CUX2: variants seen among roughly 807,000 people sequenced by gnomAD.
The protein encoded by CUX2 is cut like homeobox 2, also known as homeobox protein cut-like 2.
A neutral mutation model predicts 144.8 loss-of-function variants in CUX2; 40 were observed. The observed-to-expected ratio is 0.28, with a 90% confidence interval of 0.21 to 0.36. CUX2 has a LOEUF of 0.36. Among genes scored for constraint, CUX2 ranks in the 10% least tolerant of loss-of-function variants. The pLI, the probability that CUX2 is intolerant of heterozygous loss-of-function variation, is 1.00. For missense variants in CUX2, 1,615 were observed against 1,994.0 expected (o/e 0.81, Z 3.62); for synonymous variants, 827 against 875.6 (o/e 0.94, Z 0.98).
Position 111,293,358 on chromosome 12 carries a change from C to T in CUX2, c.437-88C>T. On this transcript the variant is annotated intron_variant, in intron 5 of 21. Transcript: ENST00000261726. The surrounding 1 kb of genome is among the most constrained non-coding windows in gnomAD (Gnocchi z 4.5). The stretch of plus-strand genomic sequence containing the variant: ...CCAAGTTTGGGAAATTGATCACAAT[C>T]AATGATCGATCCGGTTTACAGAAAG... 6.7e-7 allele frequency: 1 copy of T among 1,486,016 alleles called. No individual in the cohort carries two copies. The highest frequency in any genetic ancestry group is 9.0e-7 in the Non-Finnish European group (1 of 1,114,618). The allele number at this position is 1,486,016 out of a possible 1,614,324, so 92.1% of individuals were successfully genotyped here. A position where few individuals can be genotyped will look rare whatever the true frequency, so the allele number is the denominator to read the frequency against.
chr12:111,283,647 G>C (rs1236156716), intron 4 of CUX2, among the ~76,000 whole-genome samples: 1 of 152,148 alleles, frequency 6.6e-6, no homozygotes, highest in African/African-American at 2.4e-5. Flanking sequence ...TGATGTTACA[G>C]CCAGGGTTTG....
chr12:111,320,797 G>A lies in CUX2; in HGVS notation c.2766+22G>A, dbSNP rs1003429366. 1.1e-5 allele frequency: 17 copies of A among 1,483,120 alleles called. No homozygotes were observed. Among genetic ancestry groups the A allele is most frequent in the African/African-American group, 1.4e-5 (1 of 69,522 alleles). 91.9% of individuals were successfully genotyped at this position (1,483,120 alleles called of 1,614,324 possible). On this transcript the variant is annotated intron_variant, in intron 17 of 21. Transcript: ENST00000261726. This position sits in a 1 kb window ranked among gnomAD's most constrained non-coding sequence, Gnocchi z 8.1. ...GAAGGTGAGTGCAGGGCGGGCCCCC[G>A]GTGTCTGGGCTCTGGGAGAAGATGT... is the stretch of plus-strand genomic sequence containing the variant.
intron 1 of CUX2, among the ~76,000 whole-genome samples, chr12:111,148,717 T>C (rs905933779): frequency 6.6e-6 from 1 of 152,118 alleles, no homozygotes; most frequent in African/African-American, 2.4e-5. Flanking sequence ...GGTAAGGGGC[T>C]GGGCCCGGTG....
intron 1 of CUX2, among the ~76,000 whole-genome samples, chr12:111,070,393 TTTCCTTCCTTCCTTCC>T (rs143464416): frequency 0.56 from 55,701 of 99,152 alleles, 17,350 homozygotes; most frequent in East Asian, 0.72. Flanking sequence ...TCCTTCCTTC[TTTCCTTCCTTCCTTCC>T]TTCCTTCCTT....
chr12:111,306,163 C>A (rs1886570197), intron 10 of CUX2, among the ~76,000 whole-genome samples: 1 of 152,114 alleles, frequency 6.6e-6, no homozygotes, highest in African/African-American at 2.4e-5. Flanking sequence ...TGCTAATCAG[C>A]CCCAGGGAAC....
At position 111,311,597 on chromosome 12, in the gene CUX2, A is replaced by ATTTT. The variant is rs1227311025; in HGVS notation, c.1901-501_1901-500insTTTT. Among the ~76,000 whole-genome samples, 45 of 136,454 alleles carry ATTTT rather than the reference A, an allele frequency of 3.3e-4. No homozygotes were observed. In the East Asian group the frequency reaches 3.6e-3, roughly 11 times the overall value. The allele number at this position is 136,454 out of a possible 152,430, so 89.5% of individuals were successfully genotyped here. ...AGCCACTGTACCCTATTTCTTTATT[A>ATTTT]TTATTATTTTTTTTTTTTTGAGACG... is the stretch of plus-strand genomic sequence containing the variant. On this transcript the variant is annotated intron_variant, in intron 15 of 21. Coordinates refer to ENST00000261726, the MANE Select transcript of CUX2 (RefSeq NM_015267.4).
intron 1 of CUX2, among the ~76,000 whole-genome samples, chr12:111,121,369 C>CTTTTTTTTTT (rs5800920): frequency 3.4e-4 from 20 of 59,030 alleles, no homozygotes; most frequent in East Asian, 1.4e-3. Context: ...TTTCTTTTTT[C>CTTTTTTTTTT]TTTTTTTTTT....
chr12:111,216,771 A>G (rs7298386), intron 2 of CUX2, among the ~76,000 whole-genome samples: 20,230 of 146,254 alleles, frequency 0.14, 1,636 homozygotes, highest in African/African-American at 0.24. Context: ...GAAGGTCCCC[A>G]ACATACATCA....
At chr12:111,218,409 C>T (rs1157437430) in intron 3 of CUX2, among the ~76,000 whole-genome samples, 9 of 151,992 alleles carry the variant, frequency 5.9e-5, no homozygotes, top group African/African-American at 9.7e-5. Context: ...CCAGCTACTC[C>T]GGAGGCTAAG....
At chr12:111,058,678 C>T (rs952082348) in intron 1 of CUX2, among the ~76,000 whole-genome samples, 1 of 152,106 alleles carries the variant, frequency 6.6e-6, no homozygotes, top group Admixed American at 6.5e-5. Flanking sequence ...TTAGTGCACC[C>T]TTGCAGATAG....
intron 4 of CUX2, among the ~76,000 whole-genome samples, chr12:111,271,967 G>C (rs965751613): frequency 1.3e-5 from 2 of 152,212 alleles, no homozygotes; most frequent in African/African-American, 4.8e-5. Context: ...GTATGTAGCA[G>C]GTATTCAAAA....
chr12:111,308,401 C>A, intron 13 of CUX2, 26 bp from the exon 14 acceptor site: 1 of 1,614,004 alleles, frequency 6.2e-7, no homozygotes, highest in Non-Finnish European at 8.5e-7. Flanking sequence ...ACCAGGTGCC[C>A]TCTCAACCTG....
intron 1 of CUX2, among the ~76,000 whole-genome samples, chr12:111,182,285 T>C (rs1253981439): frequency 9.9e-5 from 15 of 152,174 alleles, no homozygotes; most frequent in African/African-American, 3.6e-4. Context: ...TTGAAATAAT[T>C]AATTCCTCTA....
intron 1 of CUX2, among the ~76,000 whole-genome samples, chr12:111,140,061 G>T (rs1384468434): frequency 6.6e-6 from 1 of 152,172 alleles, no homozygotes; most frequent in Non-Finnish European, 1.5e-5. Context: ...GTCAGTATTT[G>T]GCATTTCCAG....
chr12:111,069,520 C>CTGTG lies in CUX2; in HGVS notation c.63+35309_63+35312dup, dbSNP rs150243402. Among the ~76,000 whole-genome samples the CTGTG allele has an allele frequency of 8.9e-3, 1,242 of 139,786 alleles. 9 individuals carry two copies. Among genetic ancestry groups the CTGTG allele is most frequent in the Middle Eastern group, 0.028 (8 of 288 alleles). The allele number at this position is 139,786 out of a possible 152,430, so 91.7% of individuals were successfully genotyped here. ...GGCTGGCCATAAACAAAGCCTTGCT[C>CTGTG]TGTGTGTGTGTGTGTGTGTGTGTGT... On this transcript the variant is annotated intron_variant, in intron 1 of 21. Coordinates refer to ENST00000261726, the MANE Select transcript of CUX2 (RefSeq NM_015267.4).
At chr12:111,232,399 G>T (rs946434294) in intron 3 of CUX2, among the ~76,000 whole-genome samples, 1 of 152,136 alleles carries the variant, frequency 6.6e-6, no homozygotes, top group African/African-American at 2.4e-5. Context: ...AGCAACTCAG[G>T]AGGCTGAGGT....
At chr12:111,229,881 G>A (rs994265763) in intron 3 of CUX2, among the ~76,000 whole-genome samples, 1 of 151,970 alleles carries the variant, frequency 6.6e-6, no homozygotes, top group Non-Finnish European at 1.5e-5. Flanking sequence ...AAGCGTGGTG[G>A]TGCACGCCTG....
intron 3 of CUX2, among the ~76,000 whole-genome samples, chr12:111,228,789 A>C (rs771952028): frequency 1.3e-5 from 2 of 152,196 alleles, no homozygotes; most frequent in Non-Finnish European, 2.9e-5. Context: ...AGACCCGCAC[A>C]GTTCAAACTT....
chr12:111,311,136 A>C (rs1048387901), intron 15 of CUX2, among the ~76,000 whole-genome samples: 1 of 151,864 alleles, frequency 6.6e-6, no homozygotes, highest in African/African-American at 2.4e-5. Flanking sequence ...ACCTCAGACA[A>C]CTCCTTTCAC....
Sources: allele counts gnomAD v4.1 joint callset (sites outside exome capture counted in the v4.1 genomes callset), GRCh38; gene constraint gnomAD v4.1.1; non-coding constraint Gnocchi (gnomAD v3.1); transcripts MANE v1.5; gene names NCBI Gene and HGNC (gene_info 2026-07-23, HGNC 2026-07-21).